The following GRIK3 variants were observed in gnomAD, a reference collection of about 807,000 sequenced individuals.
The protein encoded by GRIK3 is glutamate receptor ionotropic, kainate 3.
In GRIK3, 29 loss-of-function variants were observed where a neutral mutation model predicts 102.5. That is an observed-to-expected ratio of 0.28 (90% confidence interval 0.21 to 0.39). GRIK3 has a LOEUF of 0.39. Ranked by LOEUF, GRIK3 falls within the 10% of genes least tolerant of loss-of-function variation. GRIK3 has a pLI of 1.00. For missense variants in GRIK3, 908 were observed against 1,252.4 expected (o/e 0.73, Z 4.15); for synonymous variants, 511 against 504.9 (o/e 1.01, Z -0.16).
chr1:36,963,045 G>C (rs1011234270), intron 1 of GRIK3, among the ~76,000 whole-genome samples: 1 of 152,148 alleles, frequency 6.6e-6, no homozygotes, highest in Admixed American at 6.5e-5. Flanking sequence ...TCCAGGAGGA[G>C]AGAGGAACTT....
chr1:36,969,251 G>C (rs1441330439), intron 1 of GRIK3, among the ~76,000 whole-genome samples: 4 of 152,176 alleles, frequency 2.6e-5, no homozygotes, highest in Non-Finnish European at 4.4e-5. Context: ...AACTCAGGGA[G>C]GTCACACCTG....
At chr1:36,881,060 T>C (rs958961016) in intron 2 of GRIK3, among the ~76,000 whole-genome samples, 169 bp from the exon 3 acceptor site, 1 of 151,984 alleles carries the variant, frequency 6.6e-6, no homozygotes, top group Non-Finnish European at 1.5e-5. Context: ...AAAACAGGGG[T>C]TCTAACAGTC....
rs368444600 is a variant in GRIK3 at position 36,875,472 on chromosome 1, C to T, written c.551-3103G>A. Among the ~76,000 whole-genome samples, 8 of 152,374 alleles carry T rather than the reference C, an allele frequency of 5.3e-5. 1 individual carries two copies. Among genetic ancestry groups the T allele is most frequent in the African/African-American group, 1.7e-4 (7 of 41,580 alleles). On this transcript the variant is annotated intron_variant, in intron 3 of 15. Coordinates refer to ENST00000373091, the MANE Select transcript of GRIK3 (RefSeq NM_000831.4). ...CTTTGCAGGGCCCTCCAATTGGGCT[C>T]ACCCATGTGAATTGTTTTGGCCAGT...
At chr1:37,002,669 T>C (rs1004173142) in intron 1 of GRIK3, among the ~76,000 whole-genome samples, 1 of 135,654 alleles carries the variant, frequency 7.4e-6, no homozygotes, top group African/African-American at 3.4e-5. Context: ...TTTCTTTCTT[T>C]CTTTTTTTTT....
rs191460965 is a variant in GRIK3 at position 36,886,480 on chromosome 1, C to G, written c.292+4440G>C. On this transcript the variant is annotated intron_variant, in intron 2 of 15. Coordinates refer to ENST00000373091, the MANE Select transcript of GRIK3 (RefSeq NM_000831.4). ...AGAAGAAAAAATAAAGATCATGGAA[C>G]ATGGGGCTCTCCCTGAGGGATAGAG... Among the ~76,000 whole-genome samples, 63 of 152,314 alleles carry G rather than the reference C, an allele frequency of 4.1e-4. 1 individual carries two copies. Among genetic ancestry groups the G allele is most frequent in the Admixed American group, 3.3e-3 (50 of 15,304 alleles).
intron 1 of GRIK3, among the ~76,000 whole-genome samples, chr1:36,947,965 GA>G (rs1401898779): frequency 1.3e-5 from 2 of 152,074 alleles, no homozygotes; most frequent in African/African-American, 4.8e-5. Context: ...GCTGACTTGA[GA>G]AACTTGACTC....
intron 1 of GRIK3, among the ~76,000 whole-genome samples, chr1:37,009,823 G>A (rs1365458664): frequency 6.6e-6 from 1 of 152,186 alleles, no homozygotes; most frequent in East Asian, 1.9e-4. Flanking sequence ...GTGGTAATGA[G>A]GAAAAATGGC....
At chr1:36,980,504 T>C (rs1241852776) in intron 1 of GRIK3, among the ~76,000 whole-genome samples, 4 of 151,788 alleles carry the variant, frequency 2.6e-5, no homozygotes, top group African/African-American at 9.7e-5. Context: ...TTTGTGTGGT[T>C]TGGACTCTGG....
At chr1:37,004,634 G>A (rs1188929932) in intron 1 of GRIK3, among the ~76,000 whole-genome samples, 1 of 152,196 alleles carries the variant, frequency 6.6e-6, no homozygotes, top group Non-Finnish European at 1.5e-5. Flanking sequence ...CCCTCCCCAA[G>A]CTTCATGCCT....
intron 7 of GRIK3, among the ~76,000 whole-genome samples, chr1:36,858,410 C>T (rs1440413755): frequency 6.6e-6 from 1 of 152,214 alleles, no homozygotes; most frequent in African/African-American, 2.4e-5. Flanking sequence ...ATAAGCCCTG[C>T]CATCCAAAGC....
Position 36,825,632 on chromosome 1 carries a change from C to T in GRIK3, c.1725G>A (p.Gly575=). The change falls in exon 11 of 16, where the codon GGG becomes GGA. Residue 575 remains glycine, a synonymous_variant. Transcript: ENST00000373091. Reference sequence around the variant, plus strand: ...CGATGACGAAGAGGACACAGCTGACCCCCAGGTAGGCGAGGAGAACATACA... The same window carrying T: ...CGATGACGAAGAGGACACAGCTGACTCCCAGGTAGGCGAGGAGAACATACA... ...IWMYVLLAYL[G]VSCVLFVIAR... The T allele has an allele frequency of 6.2e-7, 1 of 1,602,068 alleles. No homozygotes were observed. The highest frequency in any genetic ancestry group is 8.5e-7 in the Non-Finnish European group (1 of 1,174,184).
intron 13 of GRIK3, among the ~76,000 whole-genome samples, chr1:36,809,365 A>G (rs961295141): frequency 6.6e-6 from 1 of 151,934 alleles, no homozygotes; most frequent in African/African-American, 2.4e-5. Flanking sequence ...CCAACCATCT[A>G]TCTATCCATC....
intron 13 of GRIK3, among the ~76,000 whole-genome samples, chr1:36,808,136 G>C (rs1234418294): frequency 6.6e-6 from 1 of 152,140 alleles, no homozygotes; most frequent in Non-Finnish European, 1.5e-5. Context: ...AAATCTTCCT[G>C]GTGTTCAGCT....
At chr1:36,995,488 TCTGTACATTGGC>T (rs1642410664) in intron 1 of GRIK3, among the ~76,000 whole-genome samples, 1 of 152,230 alleles carries the variant, frequency 6.6e-6, no homozygotes, top group Non-Finnish European at 1.5e-5. Flanking sequence ...CTAAGCCTGT[TCTGTACATTGGC>T]TCAATGTCTC....
chr1:36,942,983 A>G (rs896532539), intron 1 of GRIK3, among the ~76,000 whole-genome samples: 2 of 152,118 alleles, frequency 1.3e-5, no homozygotes, highest in Non-Finnish European at 2.9e-5. Context: ...CAACTACATG[A>G]AGCTATGTGG....
chr1:36,888,528 C>G (rs1339662738), intron 2 of GRIK3, among the ~76,000 whole-genome samples: 1 of 152,124 alleles, frequency 6.6e-6, no homozygotes, highest in Non-Finnish European at 1.5e-5. Flanking sequence ...AATGTTCCAT[C>G]CTCCCTTTCC....
chr1:36,881,947 T>C (rs937790604), intron 2 of GRIK3, among the ~76,000 whole-genome samples: 2 of 152,162 alleles, frequency 1.3e-5, no homozygotes, highest in Non-Finnish European at 2.9e-5. Flanking sequence ...TATTTGCACG[T>C]GCTGTCCTCT....
At chr1:36,813,709 T>G (rs1642588996) in intron 13 of GRIK3, among the ~76,000 whole-genome samples, 1 of 130,662 alleles carries the variant, frequency 7.7e-6, no homozygotes, top group Non-Finnish European at 1.6e-5. Flanking sequence ...GGCAGAGGGG[T>G]GACAAGGCAG....
chr1:37,015,709 A>C (rs1416203745), intron 1 of GRIK3, among the ~76,000 whole-genome samples: 1 of 152,020 alleles, frequency 6.6e-6, no homozygotes, highest in African/African-American at 2.4e-5. Flanking sequence ...CATTTCCCCC[A>C]ACTCCGGCTC....
Sources: allele counts gnomAD v4.1 joint callset (sites outside exome capture counted in the v4.1 genomes callset), GRCh38; gene constraint gnomAD v4.1.1; transcripts MANE v1.5; gene names NCBI Gene and HGNC (gene_info 2026-07-23, HGNC 2026-07-21).